Variants in NSD1 observed in about 807,000 individuals in gnomAD.
NSD1 encodes the protein nuclear receptor binding SET domain protein 1.
A neutral mutation model predicts 242.7 loss-of-function variants in NSD1; 26 were observed. The observed-to-expected ratio is 0.11, with a 90% confidence interval of 0.08 to 0.15. The LOEUF is 0.15. NSD1 is among the 10% of genes least tolerant of loss of function. The pLI is 1.00. For synonymous variants in NSD1, 1,106 were observed against 1,178.1 expected (o/e 0.94, Z 1.25); for missense variants, 2,495 against 3,272.8 (o/e 0.76, Z 5.80).
At position 177,295,054 on chromosome 5, in the gene NSD1, G is replaced by T. The variant is rs1581567012; in HGVS notation, c.7686G>T (p.Gly2562=). 6.2e-7 allele frequency: 1 copy of T among 1,613,666 alleles called. No individual in the cohort carries two copies. The highest frequency in any genetic ancestry group is 2.2e-5 in the East Asian group (1 of 44,884). Residue 2562 remains glycine, a synonymous_variant, in exon 23 of 23, where the codon GGG becomes GGT. Transcript: ENST00000439151. This position sits in a 1 kb window ranked among gnomAD's most constrained non-coding sequence, Gnocchi z 4.3. ...AGGCCTCAGGAAGAGCTTCTGCAGG[G>T]GCTGAGCAGACCCCAGGGCCTCTTA... ...TTQASGRASA[G]AEQTPGPLSQ...
chr5:177,146,751 C>T (rs1004274318), intron 2 of NSD1, among the ~76,000 whole-genome samples: 2 of 151,996 alleles, frequency 1.3e-5, no homozygotes, highest in Admixed American at 6.6e-5. Flanking sequence ...TGCCTGTAAT[C>T]CCAGCACTTT....
At chr5:177,239,224 A>G (rs753554917) in intron 7 of NSD1, among the ~76,000 whole-genome samples, 29 of 152,240 alleles carry the variant, frequency 1.9e-4, no homozygotes, top group Non-Finnish European at 3.5e-4. Flanking sequence ...CTAGTTGGGT[A>G]TAATAAAAAA....
At chr5:177,156,417 G>A (rs115344506) in intron 2 of NSD1, among the ~76,000 whole-genome samples, 3,868 of 152,186 alleles carry the variant, frequency 0.025, 50 homozygotes, top group African/African-American at 0.029. Context: ...TAGACCTCGT[G>A]ATCTGTCTTC....
In NSD1 at chr5:177,242,015, C is replaced by A. The variant is rs915864905; in HGVS notation, c.4302+2150C>A. Among the ~76,000 whole-genome samples, 8 of 151,998 alleles carry A rather than the reference C, an allele frequency of 5.3e-5. 1 individual carries two copies. Among genetic ancestry groups the A allele is most frequent in the Non-Finnish European group, 7.4e-5 (5 of 68,010 alleles). On this transcript the variant is annotated intron_variant, in intron 8 of 22. Transcript: ENST00000439151. ...TCTTAGTCACATCCTCTAAGAAGTT[C>A]TTTGGTCTTTTTCATTCTAAACAGA...
At chr5:177,249,479 AT>A (rs1049547570) in intron 11 of NSD1, among the ~76,000 whole-genome samples, 17 of 150,594 alleles carry the variant, frequency 1.1e-4, no homozygotes, top group African/African-American at 3.9e-4. Flanking sequence ...TTATTTATTT[AT>A]TTTTGAGACG....
chr5:177,286,625 T>C (rs1759350709), intron 20 of NSD1, among the ~76,000 whole-genome samples: 1 of 152,176 alleles, frequency 6.6e-6, no homozygotes, highest in South Asian at 2.1e-4. Context: ...CTTTTCTCCC[T>C]TTTTCTCTCT....
intron 2 of NSD1, among the ~76,000 whole-genome samples, chr5:177,159,083 C>G (rs1313810171): frequency 1.4e-5 from 2 of 140,472 alleles, no homozygotes; most frequent in African/African-American, 6.0e-5. Context: ...CACTCTGTCA[C>G]CCAGGCAGGA....
intron 2 of NSD1, among the ~76,000 whole-genome samples, chr5:177,158,482 C>T (rs552921651): frequency 2.2e-3 from 333 of 151,452 alleles, no homozygotes; most frequent in Middle Eastern, 6.8e-3. Context: ...GGACTACAGG[C>T]GCCCGCCACC....
chr5:177,238,730 C>G lies in NSD1; in HGVS notation c.4192+223C>G, dbSNP rs781618022. 3.9e-5 allele frequency among the ~76,000 whole-genome samples: 6 copies of G among 152,142 alleles called. No individual in the cohort carries two copies. Among genetic ancestry groups the G allele is most frequent in the Non-Finnish European group, 5.9e-5 (4 of 68,028 alleles). ...ATTTTTAATAACTATGCTCCTTGCT[C>G]CAGTGTTGCTCTTCATGATTGTTGA... is the stretch of plus-strand genomic sequence containing the variant. On this transcript the variant is annotated intron_variant, in intron 7 of 22. Transcript: ENST00000439151. This position sits in a 1 kb window ranked among gnomAD's most constrained non-coding sequence, Gnocchi z 4.6.
intron 11 of NSD1, among the ~76,000 whole-genome samples, chr5:177,250,173 A>G (rs1053239174): frequency 1.3e-5 from 2 of 152,236 alleles, no homozygotes; most frequent in African/African-American, 4.8e-5. Flanking sequence ...TATAATTTCA[A>G]TCCAGTTTCT....
chr5:177,272,499 T>C (rs1172777523), intron 16 of NSD1, among the ~76,000 whole-genome samples: 2 of 152,086 alleles, frequency 1.3e-5, no homozygotes, highest in Non-Finnish European at 2.9e-5. Context: ...TCAGAGTTTT[T>C]AATGTGGGTG....
chr5:177,212,216 TA>T (rs35159794), intron 5 of NSD1, 21 bp downstream of exon 5: 26,876 of 1,298,722 alleles, frequency 0.021, 5 homozygotes, highest in Non-Finnish European at 0.022. Flanking sequence ...CTAAATGTGA[TA>T]AAAAAAAAAA....
intron 10 of NSD1, among the ~76,000 whole-genome samples, 157 bp downstream of exon 10, chr5:177,246,953 CTAA>C (rs1197957650): frequency 6.6e-6 from 1 of 152,166 alleles, no homozygotes; most frequent in Non-Finnish European, 1.5e-5. Flanking sequence ...GAGCCTTATC[CTAA>C]TAATAAGGCA....
intron 2 of NSD1, among the ~76,000 whole-genome samples, chr5:177,180,490 A>G (rs1276723850): frequency 6.6e-6 from 1 of 151,986 alleles, no homozygotes; most frequent in East Asian, 1.9e-4. Flanking sequence ...TCCTTGGCTC[A>G]AGTGATCCAC....
intron 12 of NSD1, among the ~76,000 whole-genome samples, chr5:177,254,859 A>G (rs1756301663): frequency 6.6e-6 from 1 of 152,036 alleles, no homozygotes; most frequent in African/African-American, 2.4e-5. Flanking sequence ...GGTTTTTTAA[A>G]TTTGTGGGTT....
intron 3 of NSD1, among the ~76,000 whole-genome samples, chr5:177,193,807 C>G (rs1311277235): frequency 6.6e-6 from 1 of 152,058 alleles, no homozygotes; most frequent in Non-Finnish European, 1.5e-5. Flanking sequence ...CGGAATCTTG[C>G]TCTGTCACGT....
chr5:177,265,273 C>G (rs1375535048), intron 14 of NSD1: 4 of 692,770 alleles, frequency 5.8e-6, no homozygotes, highest in Non-Finnish European at 1.0e-5. Context: ...GACCTCTGGA[C>G]TGTTAAAAAA....
intron 3 of NSD1, among the ~76,000 whole-genome samples, chr5:177,195,901 G>T (rs1391108921): frequency 6.6e-6 from 1 of 151,988 alleles, no homozygotes; most frequent in Non-Finnish European, 1.5e-5. Flanking sequence ...TATACTGCTT[G>T]CTCTCATGAG....
chr5:177,260,116 C>T lies in NSD1; in HGVS notation c.5094C>T (p.Gly1698=). The T allele has an allele frequency of 6.2e-7, 1 of 1,614,114 alleles. No individual in the cohort carries two copies. The highest frequency in any genetic ancestry group is 2.2e-5 in the East Asian group (1 of 44,874). The stretch of plus-strand genomic sequence containing the variant: ...CTAATCACTTTACCCCTAGGCGGGG[C>T]TGCCGAAATCATGAGCATGTTAATG... ...ICPNHFTPRR[G]CRNHEHVNVS... is the part of the protein sequence containing the mutation. Residue 1698 remains glycine (G), a synonymous_variant, in exon 14 of 23, where the codon GGC becomes GGT. Coordinates refer to ENST00000439151, the MANE Select transcript of NSD1 (RefSeq NM_022455.5).
Sources: gnomAD v4.1 joint callset for allele counts (sites outside exome capture counted in the v4.1 genomes callset) on GRCh38, gnomAD v4.1.1 for gene constraint, Gnocchi (gnomAD v3.1) non-coding constraint, MANE v1.5 for transcripts, NCBI Gene and HGNC (gene_info 2026-07-23, HGNC 2026-07-21) for gene names.